Variants in JMJD1C observed in about 807,000 individuals in gnomAD.
JMJD1C encodes jumonji domain containing 1C, also known as jumonji domain-containing protein 1C.
A neutral mutation model predicts 245.3 loss-of-function variants in JMJD1C; 31 were observed. The observed-to-expected ratio is 0.13, with a 90% CI of 0.09 to 0.17. The LOEUF (loss-of-function observed/expected upper bound fraction) is 0.17, where lower values mean the gene tolerates loss of function less well. Ranked by LOEUF, JMJD1C falls within the 10% of genes least tolerant of loss-of-function variation. The pLI is 1.00. For synonymous variants in JMJD1C, 1,057 were observed against 1,017.4 expected (o/e 1.04, Z -0.74); for missense variants, 2,691 against 3,000.2 (o/e 0.90, Z 2.41).
At chr10:63,230,771 C>A (rs889259995) in intron 3 of JMJD1C, among the ~76,000 whole-genome samples, 3 of 148,500 alleles carry the variant, frequency 2.0e-5, no homozygotes, top group African/African-American at 7.4e-5. Context: ...TGAGACTGTC[C>A]CCCCCCCCAA....
intron 3 of JMJD1C, among the ~76,000 whole-genome samples, chr10:63,256,961 G>A (rs7896910): frequency 0.23 from 35,205 of 152,084 alleles, 5,062 homozygotes; most frequent in Non-Finnish European, 0.32. Flanking sequence ...GTAGCCAGGC[G>A]CAGTGGCTTA....
At chr10:63,426,395 T>G (rs1044551660) in intron 1 of JMJD1C, among the ~76,000 whole-genome samples, 1 of 151,850 alleles carries the variant, frequency 6.6e-6, no homozygotes, top group African/African-American at 2.4e-5. Flanking sequence ...ACTGTATTAC[T>G]ACTACACAGT....
At chr10:63,328,520 G>A (rs1941787392) in intron 2 of JMJD1C, among the ~76,000 whole-genome samples, 1 of 152,146 alleles carries the variant, frequency 6.6e-6, no homozygotes, top group African/African-American at 2.4e-5. Context: ...TGTATTTCCA[G>A]TTTTACTGGT....
intron 1 of JMJD1C, among the ~76,000 whole-genome samples, chr10:63,437,858 G>A (rs1451618090): frequency 1.3e-5 from 2 of 152,048 alleles, no homozygotes; most frequent in African/African-American, 2.4e-5. Flanking sequence ...CCTCCTCTTC[G>A]AAACACTTTT....
At chr10:63,385,808 TA>T (rs1426796124) in intron 1 of JMJD1C, among the ~76,000 whole-genome samples, 1 of 151,900 alleles carries the variant, frequency 6.6e-6, no homozygotes, top group Non-Finnish European at 1.5e-5. Context: ...CAAACTACGA[TA>T]AAAAATGTAT....
intron 3 of JMJD1C, among the ~76,000 whole-genome samples, chr10:63,231,799 A>G (rs1478246909): frequency 6.6e-6 from 1 of 152,206 alleles, no homozygotes; most frequent in Non-Finnish European, 1.5e-5. Flanking sequence ...GTCTAAAAAA[A>G]TATAAAATAA....
chr10:63,395,135 A>AAATACAAATAAAGACCACAATGAGC (rs1948395996), intron 1 of JMJD1C, among the ~76,000 whole-genome samples: 1 of 152,150 alleles, frequency 6.6e-6, no homozygotes, highest in East Asian at 1.9e-4. Context: ...ATAATTAGAG[A>AAATACAAATAAAGACCACAATGAGC]AATACAAATA....
intron 2 of JMJD1C, among the ~76,000 whole-genome samples, chr10:63,369,213 G>A (rs897273301): frequency 1.9e-4 from 28 of 149,404 alleles, no homozygotes; most frequent in Admixed American, 7.4e-4. Flanking sequence ...ATGCAATCTC[G>A]GCTCACTGCA....
chr10:63,222,393 G>A, intron 3 of JMJD1C: 1 of 965,632 alleles, frequency 1.0e-6, no homozygotes, highest in South Asian at 1.3e-5. Context: ...CATCCTACAA[G>A]ATGTGGTAAA....
chr10:63,329,094 C>T (rs996570915), intron 2 of JMJD1C, among the ~76,000 whole-genome samples: 1 of 152,008 alleles, frequency 6.6e-6, no homozygotes, highest in Non-Finnish European at 1.5e-5. Flanking sequence ...CCAGCCTGGG[C>T]AACATGGTAA....
intron 2 of JMJD1C, among the ~76,000 whole-genome samples, chr10:63,278,135 G>GT (rs1242088564): frequency 6.6e-6 from 1 of 151,886 alleles, no homozygotes; most frequent in Admixed American, 6.6e-5. Flanking sequence ...CCTACAATAG[G>GT]TAAGTCAATG....
chr10:63,179,475 C>T (rs1843218001), intron 22 of JMJD1C, among the ~76,000 whole-genome samples: 1 of 151,334 alleles, frequency 6.6e-6, no homozygotes, highest in Non-Finnish European at 1.5e-5. Context: ...ACTATTTAGC[C>T]ATAAAAATGA....
rs564097237 is a variant in JMJD1C at position 63,245,792 on chromosome 10, C to G, written c.447+18859G>C. ...GCCACCAGCCCGGCCGGGAACTCCT[C>G]TCTTTAAAGCCATCAGATCTCGTGA... On this transcript the variant is annotated intron_variant, in intron 3 of 25. Transcript: ENST00000399262. Among the ~76,000 whole-genome samples the G allele has an allele frequency of 4.3e-4, 66 of 152,176 alleles. 1 individual carries two copies. The highest frequency in any genetic ancestry group is 7.4e-5 in the Non-Finnish European group (5 of 67,992).
chr10:63,264,518 T>TG, intron 3 of JMJD1C, 133 bp downstream of exon 3: 2 of 548,082 alleles, frequency 3.6e-6, no homozygotes, highest in Non-Finnish European at 3.2e-6. Context: ...ATCAACTGAC[T>TG]GCATTCATTG....
intron 1 of JMJD1C, among the ~76,000 whole-genome samples, chr10:63,518,499 A>G (rs1955096968): frequency 6.6e-6 from 1 of 152,250 alleles, no homozygotes; most frequent in Non-Finnish European, 1.5e-5. Context: ...ATATCTATGA[A>G]TGCAGAGCTG....
intron 2 of JMJD1C, among the ~76,000 whole-genome samples, chr10:63,373,660 T>A (rs1416106820): frequency 6.6e-6 from 1 of 152,210 alleles, no homozygotes; most frequent in Non-Finnish European, 1.5e-5. Context: ...ATAGAAACAT[T>A]AAATTTGTAG....
intron 3 of JMJD1C, among the ~76,000 whole-genome samples, chr10:63,244,822 G>T (rs1203749995): frequency 6.9e-6 from 1 of 145,082 alleles, no homozygotes; most frequent in African/African-American, 2.5e-5. Context: ...AAAAAAGGGG[G>T]GGGGAGGGGG....
intron 1 of JMJD1C, among the ~76,000 whole-genome samples, chr10:63,458,731 A>ATT (rs71463523): frequency 2.1e-5 from 3 of 145,352 alleles, no homozygotes; most frequent in Non-Finnish European, 3.0e-5. Flanking sequence ...TTATTTATTT[A>ATT]TTTTTTTTTT....
At chr10:63,376,532 G>C (rs1295043796) in intron 2 of JMJD1C, among the ~76,000 whole-genome samples, 1 of 151,232 alleles carries the variant, frequency 6.6e-6, no homozygotes, top group African/African-American at 2.4e-5. Context: ...ATCTAAAAGG[G>C]GATTAATATC....
Sources: gnomAD v4.1 joint callset for allele counts (sites outside exome capture counted in the v4.1 genomes callset) on GRCh38, gnomAD v4.1.1 for gene constraint, MANE v1.5 for transcripts, NCBI Gene and HGNC (gene_info 2026-07-23, HGNC 2026-07-21) for gene names.